Variants in PTCHD4 observed in about 807,000 individuals in gnomAD.
PTCHD4 encodes patched domain-containing protein 4.
A neutral mutation model predicts 58.1 loss-of-function variants in PTCHD4; 33 were observed. The observed-to-expected ratio is 0.57, with a 90% CI of 0.43 to 0.76. PTCHD4 has a LOEUF of 0.76. Among genes scored for constraint, PTCHD4 ranks in the 30% least tolerant of loss-of-function variants. The pLI, the probability that PTCHD4 is intolerant of heterozygous loss-of-function variation, is 0.00. For synonymous variants in PTCHD4, 478 were observed against 409.6 expected (o/e 1.17, Z -2.02); for missense variants, 1,058 against 1,027.1 (o/e 1.03, Z -0.41).
intron 1 of PTCHD4, among the ~76,000 whole-genome samples, chr6:48,086,357 A>G (rs137902459): frequency 1.5e-3 from 228 of 152,304 alleles, no homozygotes; most frequent in Non-Finnish European, 2.5e-3. Context: ...TTAGTTCATT[A>G]TTTATAAATA....
intron 1 of PTCHD4, among the ~76,000 whole-genome samples, chr6:48,090,944 A>G (rs1765353632): frequency 6.6e-6 from 1 of 152,202 alleles, no homozygotes; most frequent in African/African-American, 2.4e-5. Context: ...TTTCAGTTTC[A>G]CACTTACAAA....
rs1763404755 is a variant in PTCHD4, at chr6:47,860,698, T to G, written c.*17605A>C. Among the ~76,000 whole-genome samples the G allele has an allele frequency of 6.6e-6, 1 of 151,972 alleles. No homozygotes were observed. The highest frequency in any genetic ancestry group is 6.6e-5 in the Admixed American group (1 of 15,228). Reference sequence around the variant, plus strand: ...TACCTAGCAGGGTCAGGGCTATTAGTGGAGCAGAAATTATAAACATTTGAG... The same window carrying G: ...TACCTAGCAGGGTCAGGGCTATTAGGGGAGCAGAAATTATAAACATTTGAG... On this transcript the variant is annotated 3_prime_UTR_variant, in exon 5 of 5. Transcript: ENST00000339488.
At chr6:47,971,665 G>A (rs533605595) in intron 4 of PTCHD4, among the ~76,000 whole-genome samples, 26 of 152,260 alleles carry the variant, frequency 1.7e-4, no homozygotes, top group Non-Finnish European at 3.5e-4. Flanking sequence ...CAGATGCATG[G>A]ATCTTAAAAA....
chr6:48,086,396 G>T (rs945111409), intron 1 of PTCHD4, among the ~76,000 whole-genome samples: 4 of 151,958 alleles, frequency 2.6e-5, no homozygotes, highest in Admixed American at 2.6e-4. Context: ...TCTGGCCTTT[G>T]GGCTGTAGGT....
chr6:48,048,424 A>G (rs939118044), intron 3 of PTCHD4, among the ~76,000 whole-genome samples: 1 of 151,952 alleles, frequency 6.6e-6, no homozygotes, highest in African/African-American at 2.4e-5. Context: ...AACTGTCTGC[A>G]TGAGAGACAT....
rs1414629456 is a variant in PTCHD4 at position 47,917,618 on chromosome 6, C to T, written c.899-37682G>A. On this transcript the variant is annotated intron_variant, in intron 4 of 4. Transcript: ENST00000339488. The stretch of plus-strand genomic sequence containing the variant: ...ATGCATATACTTTTATAAATTTCCT[C>T]AAACTCAAATAAATTGAGACATTCG... 2.6e-5 allele frequency among the ~76,000 whole-genome samples: 4 copies of T among 152,116 alleles called. No homozygotes were observed. The East Asian group carries it at 7.7e-4, about 29-fold the overall frequency.
intron 4 of PTCHD4, among the ~76,000 whole-genome samples, chr6:48,007,548 A>T (rs1762486773): frequency 6.6e-6 from 1 of 152,220 alleles, no homozygotes; most frequent in African/African-American, 2.4e-5. Flanking sequence ...GCTTCATAGG[A>T]CATATATTAC....
intron 4 of PTCHD4, chr6:47,902,002 C>T (rs1265120576): frequency 3.8e-6 from 4 of 1,045,100 alleles, no homozygotes; most frequent in South Asian, 1.3e-5. Flanking sequence ...CTCATATTTC[C>T]CACTTAGTAT....
At chr6:47,919,862 G>A (rs1444706769) in intron 4 of PTCHD4, among the ~76,000 whole-genome samples, 1 of 152,112 alleles carries the variant, frequency 6.6e-6, no homozygotes, top group Non-Finnish European at 1.5e-5. Flanking sequence ...CTATGTTGTT[G>A]AGTCTGCCTT....
rs1763426833 is a variant in PTCHD4, at chr6:47,861,566, A to G, written c.*16737T>C. Among the ~76,000 whole-genome samples, 1 of 151,944 alleles carries G rather than the reference A, an allele frequency of 6.6e-6. No individual in the cohort carries two copies. Among genetic ancestry groups the G allele is most frequent in the Non-Finnish European group, 1.5e-5 (1 of 67,900 alleles). ...TCCAAAACACATCTAGTACTCATTG[A>G]CATTTATGTCCAACAAACAAAAAAA... On this transcript the variant is annotated 3_prime_UTR_variant, in exon 5 of 5. Coordinates refer to ENST00000339488, the MANE Select transcript of PTCHD4 (RefSeq NM_001384253.1).
At chr6:47,981,603 T>C (rs1767885294) in intron 4 of PTCHD4, among the ~76,000 whole-genome samples, 1 of 152,178 alleles carries the variant, frequency 6.6e-6, no homozygotes, top group Non-Finnish European at 1.5e-5. Context: ...GTTCTTTTCT[T>C]AATTTTGTGT....
rs111812488 is a variant in PTCHD4 at position 48,013,004 on chromosome 6, T to C, written c.418-3890A>G. On this transcript the variant is annotated intron_variant, in intron 3 of 4. Coordinates refer to ENST00000339488, the MANE Select transcript of PTCHD4 (RefSeq NM_001384253.1). ...ATTTTATTGAGGATTTTAGCATTGA[T>C]GTTCATCAGGGATATTGGCCTGAAA... Among the ~76,000 whole-genome samples the C allele has an allele frequency of 3.8e-3, 579 of 152,290 alleles. 2 individuals carry two copies. The highest frequency in any genetic ancestry group is 0.013 in the African/African-American group (549 of 41,558).
chr6:48,018,177 G>T (rs189787444), intron 3 of PTCHD4, among the ~76,000 whole-genome samples: 47 of 152,288 alleles, frequency 3.1e-4, no homozygotes, highest in Non-Finnish European at 6.0e-4. Flanking sequence ...AGAACATAGG[G>T]CACAGGGCCA....
intron 3 of PTCHD4, among the ~76,000 whole-genome samples, chr6:48,052,464 T>C (rs866750276): frequency 6.6e-5 from 10 of 152,108 alleles, no homozygotes; most frequent in Non-Finnish European, 1.0e-4. Context: ...CATTAAATAG[T>C]GAGTAAGTTA....
chr6:47,888,646 T>G (rs1278760644), intron 4 of PTCHD4, among the ~76,000 whole-genome samples: 1 of 152,144 alleles, frequency 6.6e-6, no homozygotes, highest in Non-Finnish European at 1.5e-5. Context: ...TTTGTTTGTT[T>G]GTTTTTGTTT....
chr6:47,983,835 CA>C (rs1398278162), intron 4 of PTCHD4, among the ~76,000 whole-genome samples: 5 of 152,096 alleles, frequency 3.3e-5, no homozygotes, highest in Non-Finnish European at 2.9e-5. Flanking sequence ...GTTGCATTTG[CA>C]AAGTACTATG....
intron 4 of PTCHD4, among the ~76,000 whole-genome samples, chr6:47,974,519 G>T (rs75908009): frequency 0.16 from 24,583 of 149,804 alleles, 2,102 homozygotes; most frequent in South Asian, 0.29. Flanking sequence ...TTGTTGTTGT[G>T]GGGGGGGCTG....
At chr6:48,075,462 GTTAGT>G (rs1246677031) in intron 1 of PTCHD4, among the ~76,000 whole-genome samples, 1 of 144,192 alleles carries the variant, frequency 6.9e-6, no homozygotes, top group Admixed American at 7.0e-5. Flanking sequence ...TTTTGTACTA[GTTAGT>G]TTAATCACTT....
chr6:48,007,001 G>A (rs185072410), intron 4 of PTCHD4, among the ~76,000 whole-genome samples: 1 of 152,328 alleles, frequency 6.6e-6, no homozygotes, highest in African/African-American at 2.4e-5. Context: ...CACTTTGGGA[G>A]GCTGAAGTGG....
Sources: gnomAD v4.1 joint callset for allele counts (sites outside exome capture counted in the v4.1 genomes callset) on GRCh38, gnomAD v4.1.1 for gene constraint, MANE v1.5 for transcripts, NCBI Gene and HGNC (gene_info 2026-07-23, HGNC 2026-07-21) for gene names.